The following SLC38A10 variants were observed in gnomAD, a reference collection of about 807,000 sequenced individuals.
The protein encoded by SLC38A10 is Sodium-coupled neutral amino acid transporter 10.
Under a neutral mutation model 81.0 loss-of-function variants are expected in SLC38A10, and 53 were observed. The observed-to-expected ratio is 0.65, with a 90% confidence interval of 0.53 to 0.82. The LOEUF is 0.82. Among genes scored for constraint, SLC38A10 ranks in the 40% least tolerant of loss-of-function variants. The probability of loss-of-function intolerance (pLI) is 0.00; values close to 1 mark genes in which losing one functional copy is unlikely to be tolerated. For missense variants in SLC38A10, 1,471 were observed against 1,545.0 expected, an observed-to-expected ratio of 0.95 and a Z score of 0.80; for synonymous variants, 665 against 655.3, an observed-to-expected ratio of 1.01 and a Z score of -0.23.
chr17:81,284,616 T>A (rs1396421635), intron 3 of SLC38A10, among the ~76,000 whole-genome samples: 1 of 152,160 alleles, frequency 6.6e-6, no homozygotes, highest in Admixed American at 6.5e-5. Context: ...AGGAATGGTG[T>A]TGAGAGACTA....
At chr17:81,279,331 T>A (rs890016213) in intron 6 of SLC38A10, among the ~76,000 whole-genome samples, 5 of 152,172 alleles carry the variant, frequency 3.3e-5, no homozygotes, top group Admixed American at 1.3e-4. Context: ...CCAGCTGGCA[T>A]CCAGGCCAAT....
In SLC38A10 at chr17:81,294,922, AGT is replaced by A; in HGVS notation, c.-3_-2del. ...AGTTGGAGGCGGCGGCCGCGGTCAT[AGT>A]GAGAGGTCTAGGGGCCCGGGGCGAG... On this transcript the variant is annotated 5_prime_UTR_variant, in exon 1 of 16. Coordinates refer to ENST00000374759, the MANE Select transcript of SLC38A10 (RefSeq NM_001037984.3). 6.3e-7 allele frequency: 1 copy of A among 1,591,440 alleles called. No homozygotes were observed. The highest frequency in any genetic ancestry group is 8.5e-7 in the Non-Finnish European group (1 of 1,170,508).
At chr17:81,280,837 T>C (rs2063205081) in intron 5 of SLC38A10, 104 bp from the exon 6 acceptor site, 10 of 1,445,896 alleles carry the variant, frequency 6.9e-6, no homozygotes, top group Non-Finnish European at 9.2e-6. Flanking sequence ...AGAGTGCAGC[T>C]CTTCCCACCC....
chr17:81,272,489 G>A (rs373286366), intron 9 of SLC38A10, 27 bp downstream of exon 9: 116 of 1,529,960 alleles, frequency 7.6e-5, no homozygotes, highest in Admixed American at 2.1e-4. Context: ...CCCACTCCCC[G>A]GCAACAGGGC....
intron 11 of SLC38A10, among the ~76,000 whole-genome samples, chr17:81,257,471 G>A (rs1456941268): frequency 2.6e-5 from 4 of 152,158 alleles, no homozygotes; most frequent in Admixed American, 2.0e-4. Flanking sequence ...TCATGTTTCT[G>A]TTGCTGTCCT....
chr17:81,246,327 G>A lies in SLC38A10; in HGVS notation c.2589C>T (p.Pro863=), dbSNP rs1326928521. The A allele has an allele frequency of 4.3e-6, 7 of 1,609,222 alleles. No individual in the cohort carries two copies. Among genetic ancestry groups the A allele is most frequent in the African/African-American group, 2.7e-5 (2 of 74,932 alleles). ...CCTCTGGGCCCCCGGCTTCCCTGGC[G>A]GGGTCTGGCACGGGCACCTGCTCCG... is the stretch of plus-strand genomic sequence containing the variant. ...KGPEQVPVPD[P]AREAGGPEER... is the part of the protein sequence containing the mutation. The change falls in exon 16 of 16, where the codon CCC becomes CCT. Residue 863 remains proline, a synonymous_variant. Transcript: ENST00000374759.
intron 1 of SLC38A10, among the ~76,000 whole-genome samples, chr17:81,292,973 G>A (rs1249524813): frequency 6.6e-6 from 1 of 152,048 alleles, no homozygotes; most frequent in Non-Finnish European, 1.5e-5. Flanking sequence ...GGGAAACCCT[G>A]TCTCTACTAA....
In SLC38A10 at chr17:81,270,016, T is replaced by G. The variant is rs2063100967; in HGVS notation, c.1131+902A>C. On this transcript the variant is annotated intron_variant, in intron 10 of 15. Coordinates refer to ENST00000374759, the MANE Select transcript of SLC38A10 (RefSeq NM_001037984.3). This position sits in a 1 kb window ranked among gnomAD's most constrained non-coding sequence, Gnocchi z 4.0. ...TTCCAGTAAGAAAAAGCTCAACAAC[T>G]CCATAAAAAGTGAGCAAAGAACACA... Among the ~76,000 whole-genome samples the G allele has an allele frequency of 1.3e-5, 2 of 151,428 alleles. No individual in the cohort carries two copies. Among genetic ancestry groups the G allele is most frequent in the Non-Finnish European group, 2.9e-5 (2 of 67,868 alleles).
intron 14 of SLC38A10, chr17:81,247,400 C>A (rs969508837): frequency 1.3e-4 from 30 of 237,784 alleles, no homozygotes; most frequent in Non-Finnish European, 2.1e-4. Context: ...CTGCTCGTTG[C>A]CCATGGAAGT....
chr17:81,261,576 G>C (rs945103288), intron 10 of SLC38A10, among the ~76,000 whole-genome samples: 1 of 152,276 alleles, frequency 6.6e-6, no homozygotes, highest in African/African-American at 2.4e-5. Context: ...GGTCTCCCCA[G>C]AGGGAAGGAC....
Position 81,277,781 on chromosome 17 carries a change from AC to A in SLC38A10, c.627-649del, listed in dbSNP as rs938601381. Among the ~76,000 whole-genome samples the A allele has an allele frequency of 6.6e-6, 1 of 152,118 alleles. No homozygotes were observed. The highest frequency in any genetic ancestry group is 2.4e-5 in the African/African-American group (1 of 41,404). ...ACGCATCCGAGGGACCTGCACAGGG[AC>A]CTGGGCCTCTGGAAAGGGGTGGGCG... On this transcript the variant is annotated intron_variant, in intron 6 of 15. Coordinates refer to ENST00000374759, the MANE Select transcript of SLC38A10 (RefSeq NM_001037984.3). This position sits in a 1 kb window ranked among gnomAD's most constrained non-coding sequence, Gnocchi z 4.5.
intron 9 of SLC38A10, 126 bp from the exon 10 acceptor site, chr17:81,271,150 C>T (rs111873357): frequency 0.074 from 57,029 of 766,176 alleles, 2,383 homozygotes; most frequent in East Asian, 0.12. Flanking sequence ...AGGCGTGAGC[C>T]GGGAGCAGAG....
chr17:81,261,400 G>A (rs1304688139), intron 10 of SLC38A10, among the ~76,000 whole-genome samples: 1 of 152,242 alleles, frequency 6.6e-6, no homozygotes, highest in African/African-American at 2.4e-5. Flanking sequence ...CAGAGCCTGT[G>A]TGCACTGGCA....
intron 10 of SLC38A10, among the ~76,000 whole-genome samples, chr17:81,268,328 G>C (rs917821058): frequency 2.8e-5 from 4 of 144,042 alleles, no homozygotes; most frequent in African/African-American, 5.4e-5. Context: ...AGGCACACTA[G>C]AAAACAAGAC....
At chr17:81,287,923 C>T (rs1376838606) in intron 2 of SLC38A10, among the ~76,000 whole-genome samples, 1 of 152,244 alleles carries the variant, frequency 6.6e-6, no homozygotes, top group Non-Finnish European at 1.5e-5. Context: ...GGTCGCCCTG[C>T]AGGCCACAGC....
chr17:81,264,388 T>C (rs1480756996), intron 10 of SLC38A10: 1 of 152,240 alleles, frequency 6.6e-6, no homozygotes, highest in Admixed American at 6.5e-5. Flanking sequence ...TTTCGGCAGT[T>C]ATCAGATCAA....
At position 81,246,231 on chromosome 17, in the gene SLC38A10, A is replaced by C. The variant is rs775288006; in HGVS notation, c.2685T>G (p.Pro895=). 6.2e-7 allele frequency: 1 copy of C among 1,612,492 alleles called. No homozygotes were observed. The highest frequency in any genetic ancestry group is 8.5e-7 in the Non-Finnish European group (1 of 1,179,850). Residue 895 remains proline (P), a synonymous_variant, in exon 16 of 16, where the codon CCT becomes CCG. Coordinates refer to ENST00000374759, the MANE Select transcript of SLC38A10 (RefSeq NM_001037984.3). ...TGCCAGTGGCTGCCACCTCCTTCCCAGGTTTTTTCCTGTCTTGGGAACCGC... is the reference window on the plus strand; with the variant it reads ...TGCCAGTGGCTGCCACCTCCTTCCCCGGTTTTTTCCTGTCTTGGGAACCGC... The part of the protein sequence containing the change: ...VTGGSQDRKK[P]GKEVAATGTS...
At chr17:81,248,309 G>A (rs1054301216) in intron 14 of SLC38A10, among the ~76,000 whole-genome samples, 2 of 152,128 alleles carry the variant, frequency 1.3e-5, no homozygotes, top group East Asian at 1.9e-4. Context: ...TGAGGCCCCC[G>A]CCAGCCATCC....
In SLC38A10 at chr17:81,251,500, C is replaced by T. The variant is rs751559134; in HGVS notation, c.2058G>A (p.Gln686=). The T allele has an allele frequency of 1.3e-6, 2 of 1,599,980 alleles. No homozygotes were observed. Among genetic ancestry groups the T allele is most frequent in the African/African-American group, 1.3e-5 (1 of 74,782 alleles). Residue 686 remains glutamine (Q), a synonymous_variant, in exon 14 of 16, where the codon CAG becomes CAA. Transcript: ENST00000374759. ...GTAGGGCGGAGGCCTTACCCTCCAG[C>T]TGGCTGGCCGCCTGGTTTCCACCCG... ...ERAGGNQAAS[Q]LEEAGRAEML... is the part of the protein sequence containing the mutation.
Sources: gnomAD v4.1 joint callset for allele counts (sites outside exome capture counted in the v4.1 genomes callset) on GRCh38, gnomAD v4.1.1 for gene constraint, Gnocchi (gnomAD v3.1) non-coding constraint, MANE v1.5 for transcripts, NCBI Gene and HGNC (gene_info 2026-07-23, HGNC 2026-07-21) for gene names.